Variants in MUC13 observed in about 807,000 individuals in gnomAD.
MUC13 encodes mucin 13, cell surface associated, also known as mucin-13.
Under a neutral mutation model 48.3 loss-of-function variants are expected in MUC13, and 32 were observed. The ratio of observed to expected loss-of-function variants is 0.66; its 90% CI spans 0.50 to 0.89. The LOEUF (loss-of-function observed/expected upper bound fraction) is 0.89. Among genes scored for constraint, MUC13 ranks in the 40% least tolerant of loss-of-function variants. The pLI is 0.00. For synonymous variants in MUC13, 199 were observed against 224.9 expected (o/e 0.88, Z 1.03); for missense variants, 571 against 622.8 (o/e 0.92, Z 0.88).
intron 1 of MUC13, among the ~76,000 whole-genome samples, chr3:124,931,036 C>T (rs921166138): frequency 6.6e-6 from 1 of 152,184 alleles, no homozygotes; most frequent in East Asian, 1.9e-4. Context: ...GACACACTTC[C>T]TGCCCTTGGT....
At chr3:124,913,853 T>C (rs1935467058) in intron 6 of MUC13, among the ~76,000 whole-genome samples, 172 bp from the exon 7 acceptor site, 1 of 151,836 alleles carries the variant, frequency 6.6e-6, no homozygotes, top group Admixed American at 6.6e-5. Flanking sequence ...AAGGCAGGAG[T>C]ATCGTTTGAG....
intron 5 of MUC13, among the ~76,000 whole-genome samples, chr3:124,916,856 C>T (rs114854060): frequency 0.029 from 4,413 of 152,190 alleles, 100 homozygotes; most frequent in South Asian, 0.045. Flanking sequence ...AGGACAGCAG[C>T]TGTTAAATCT....
At chr3:124,918,763 G>A (rs1559998769) in intron 5 of MUC13, among the ~76,000 whole-genome samples, 1 of 152,112 alleles carries the variant, frequency 6.6e-6, no homozygotes, top group East Asian at 1.9e-4. Context: ...CCCTACACAT[G>A]AACTGGCTAT....
rs72976440 is a variant in MUC13 at position 124,923,460 on chromosome 3, T to G, written c.637+67A>C. 8,638 of 1,532,946 alleles carry G rather than the reference T, an allele frequency of 5.6e-3. 425 individuals are homozygous for G. In the African/African-American group the frequency reaches 0.1, roughly 18 times the overall value. 95.0% of individuals were successfully genotyped at this position (1,532,946 alleles called of 1,614,324 possible). A position where few individuals can be genotyped will look rare whatever the true frequency, so the allele number is the denominator to read the frequency against. ...TTGGAATCTCCTTTTGCCATCATTT[T>G]GAGTTTTCGATTCCACTTTTGGTGT... On this transcript the variant is annotated intron_variant, in intron 3 of 11. Transcript: ENST00000616727.
At chr3:124,922,371 A>C (rs1935612989) in intron 3 of MUC13, 68 bp from the exon 4 acceptor site, 1 of 1,539,746 alleles carries the variant, frequency 6.5e-7, no homozygotes, top group African/African-American at 1.4e-5. Flanking sequence ...TTGTTTTAAA[A>C]CATAGATTAT....
intron 6 of MUC13, among the ~76,000 whole-genome samples, 179 bp downstream of exon 6, chr3:124,916,137 GA>G (rs1312277052): frequency 1.3e-5 from 2 of 152,196 alleles, no homozygotes; most frequent in Admixed American, 1.3e-4. Flanking sequence ...GACATGGTTG[GA>G]AAGAAGCAGA....
intron 6 of MUC13, 40 bp downstream of exon 6, chr3:124,916,277 G>A: frequency 6.6e-7 from 1 of 1,519,226 alleles, no homozygotes; most frequent in Non-Finnish European, 9.1e-7. Context: ...AGGTAGGTAG[G>A]TCTTCAGGTG....
intron 6 of MUC13, among the ~76,000 whole-genome samples, chr3:124,915,324 CTTT>C (rs772160262): frequency 2.0e-4 from 30 of 152,216 alleles, no homozygotes; most frequent in Non-Finnish European, 3.8e-4. Flanking sequence ...ATGCGAATTG[CTTT>C]AGCCAATTGG....
At chr3:124,919,057 G>T (rs1334207515) in intron 5 of MUC13, among the ~76,000 whole-genome samples, 1 of 151,896 alleles carries the variant, frequency 6.6e-6, no homozygotes, top group African/African-American at 2.4e-5. Context: ...TTTTATTTAG[G>T]CTGGGAGTGG....
At chr3:124,933,416 C>G (rs59399252) in intron 1 of MUC13, among the ~76,000 whole-genome samples, 26,747 of 152,040 alleles carry the variant, frequency 0.18, 3,131 homozygotes, top group East Asian at 0.58. Flanking sequence ...AGAACTATTG[C>G]TCCTGTTCCC....
At chr3:124,931,663 A>G (rs977837612) in intron 1 of MUC13, among the ~76,000 whole-genome samples, 5 of 151,064 alleles carry the variant, frequency 3.3e-5, no homozygotes, top group African/African-American at 9.8e-5. Flanking sequence ...CAGGAGAATC[A>G]CTTGAACCTG....
intron 2 of MUC13, among the ~76,000 whole-genome samples, chr3:124,926,022 T>C (rs979937667): frequency 7.2e-5 from 11 of 152,224 alleles, no homozygotes; most frequent in Non-Finnish European, 1.5e-5. Flanking sequence ...TGACAAAGTA[T>C]GAACCAGTCT....
chr3:124,928,931 A>C (rs1232025338), intron 1 of MUC13, among the ~76,000 whole-genome samples: 1 of 152,204 alleles, frequency 6.6e-6, no homozygotes, highest in Non-Finnish European at 1.5e-5. Flanking sequence ...GGTAATTTAA[A>C]GAATAATAAA....
intron 5 of MUC13, among the ~76,000 whole-genome samples, chr3:124,918,354 G>C (rs1935540647): frequency 6.6e-6 from 1 of 152,182 alleles, no homozygotes; most frequent in Admixed American, 6.5e-5. Context: ...GAGCTCACAG[G>C]TGAAGGTTTG....
intron 5 of MUC13, among the ~76,000 whole-genome samples, chr3:124,919,715 C>A (rs1431850093): frequency 6.6e-6 from 1 of 152,080 alleles, no homozygotes; most frequent in Admixed American, 6.5e-5. Flanking sequence ...CTAAATAGCA[C>A]CCAGCACTTG....
In MUC13 at chr3:124,922,215, A is replaced by G. The variant is rs375255454; in HGVS notation, c.726T>C (p.His242=). The G allele has an allele frequency of 3.7e-6, 6 of 1,613,924 alleles. No individual in the cohort carries two copies. In the Admixed American group the frequency reaches 5.0e-5, roughly 13 times the overall value. The part of the protein sequence containing the change: ...EKHSMAYQDL[H]SEITSLFKDV... Reference sequence around the variant, plus strand: ...TACTTACCAAGCTAGTAATTTCACTATGCAAGTCTTGATAGGCCATGGAAT... The same window carrying G: ...TACTTACCAAGCTAGTAATTTCACTGTGCAAGTCTTGATAGGCCATGGAAT... The change falls in exon 4 of 12, where the codon CAT becomes CAC. Residue 242 remains histidine (H), a synonymous_variant. Coordinates refer to ENST00000616727, the MANE Select transcript of MUC13 (RefSeq NM_033049.4).
intron 6 of MUC13, 134 bp from the exon 7 acceptor site, chr3:124,913,815 A>C: frequency 1.1e-6 from 1 of 925,616 alleles, no homozygotes; most frequent in African/African-American, 1.7e-5. Context: ...AGTGGCTCAC[A>C]ACTGTAATCC....
At chr3:124,908,861 A>C (rs1935368858) in intron 10 of MUC13, among the ~76,000 whole-genome samples, 1 of 152,298 alleles carries the variant, frequency 6.6e-6, no homozygotes, top group South Asian at 2.1e-4. Flanking sequence ...AAGTTCAAAG[A>C]CTTGAAACGA....
chr3:124,934,417 C>T (rs1334382120), intron 1 of MUC13, among the ~76,000 whole-genome samples: 1 of 152,216 alleles, frequency 6.6e-6, no homozygotes, highest in Admixed American at 6.5e-5. Context: ...GCCTCGGCCT[C>T]CCATATTGCT....
Sources: allele counts gnomAD v4.1 joint callset (sites outside exome capture counted in the v4.1 genomes callset), GRCh38; gene constraint gnomAD v4.1.1; transcripts MANE v1.5; gene names NCBI Gene and HGNC (gene_info 2026-07-23, HGNC 2026-07-21).